ZNF804A: variants seen among roughly 807,000 people sequenced by gnomAD.
ZNF804A encodes zinc finger protein 804A.
In ZNF804A, 2 loss-of-function variants were observed where a neutral mutation model predicts 16.5. The observed-to-expected ratio is 0.12, with a 90% confidence interval of 0.05 to 0.38. The LOEUF is 0.38. ZNF804A is among the 10% of genes least tolerant of loss of function. ZNF804A has a pLI of 0.99. For synonymous variants in ZNF804A, 534 were observed against 489.6 expected (o/e 1.09, Z -1.20); for missense variants, 1,473 against 1,390.7 (o/e 1.06, Z -0.94).
At chr2:184,854,276 A>G (rs1167015398) in intron 1 of ZNF804A, among the ~76,000 whole-genome samples, 1 of 151,962 alleles carries the variant, frequency 6.6e-6, no homozygotes, top group Non-Finnish European at 1.5e-5. Context: ...CAGGCACACT[A>G]CACAATTTAT....
chr2:184,924,376 T>C (rs1685576462), intron 2 of ZNF804A, among the ~76,000 whole-genome samples: 1 of 151,880 alleles, frequency 6.6e-6, no homozygotes, highest in Admixed American at 6.6e-5. Flanking sequence ...TAGCCACTAA[T>C]AGTCTTTTAA....
chr2:184,743,615 C>G (rs1693740219), intron 1 of ZNF804A, among the ~76,000 whole-genome samples: 2 of 151,906 alleles, frequency 1.3e-5, no homozygotes, highest in Admixed American at 6.6e-5. Context: ...TTGCATGACA[C>G]TATATTTAGT....
chr2:184,706,434 G>A (rs1693032559), intron 1 of ZNF804A, among the ~76,000 whole-genome samples: 3 of 152,210 alleles, frequency 2.0e-5, no homozygotes, highest in African/African-American at 7.2e-5. Context: ...CAGGCTAGGG[G>A]CATTGAAGCC....
chr2:184,612,527 C>T (rs181267091), intron 1 of ZNF804A, among the ~76,000 whole-genome samples: 18 of 151,854 alleles, frequency 1.2e-4, no homozygotes, highest in African/African-American at 3.9e-4. Flanking sequence ...CAACCTCCGC[C>T]TCCCAGGTTC....
chr2:184,856,526 C>T (rs1305185774), intron 1 of ZNF804A, among the ~76,000 whole-genome samples: 1 of 151,926 alleles, frequency 6.6e-6, no homozygotes, highest in African/African-American at 2.4e-5. Context: ...TTTATAATAG[C>T]ATGTCATATG....
chr2:184,819,331 A>T (rs562444827), intron 1 of ZNF804A, among the ~76,000 whole-genome samples: 7 of 152,102 alleles, frequency 4.6e-5, no homozygotes, highest in Non-Finnish European at 8.8e-5. Context: ...TGGGCAAATA[A>T]TGAAATCAAG....
Position 184,776,848 on chromosome 2 carries a change from C to G in ZNF804A, c.112-89521C>G, listed in dbSNP as rs1694291865. ...ACTGGTTTGAACATCTCACTGTTCCCCTCATTAATTAATGAGTGGAAAAAA... is the reference window on the plus strand; with the variant it reads ...ACTGGTTTGAACATCTCACTGTTCCGCTCATTAATTAATGAGTGGAAAAAA... On this transcript the variant is annotated intron_variant, in intron 1 of 3. Transcript: ENST00000302277. Among the ~76,000 whole-genome samples, 3 of 151,418 alleles carry G rather than the reference C, an allele frequency of 2.0e-5. 1 individual carries two copies. In the South Asian group the frequency reaches 6.2e-4, roughly 31 times the overall value.
chr2:184,931,837 T>A (rs753259491), intron 2 of ZNF804A, among the ~76,000 whole-genome samples: 2 of 152,186 alleles, frequency 1.3e-5, no homozygotes, highest in Non-Finnish European at 2.9e-5. Context: ...TAAGTTCTAA[T>A]TCCAAAAAAT....
intron 1 of ZNF804A, among the ~76,000 whole-genome samples, chr2:184,639,684 T>C (rs1038697830): frequency 2.6e-5 from 4 of 152,104 alleles, no homozygotes; most frequent in Non-Finnish European, 5.9e-5. Flanking sequence ...ATTCATAAAT[T>C]TTTATTTTGG....
intron 1 of ZNF804A, among the ~76,000 whole-genome samples, chr2:184,620,266 G>GA (rs1345438050): frequency 6.6e-6 from 1 of 151,426 alleles, no homozygotes; most frequent in Non-Finnish European, 1.5e-5. Context: ...CAAATCAAAA[G>GA]AAACAAATAG....
At chr2:184,929,947 T>C (rs1204087113) in intron 2 of ZNF804A, among the ~76,000 whole-genome samples, 1 of 152,178 alleles carries the variant, frequency 6.6e-6, no homozygotes, top group Non-Finnish European at 1.5e-5. Flanking sequence ...GTAAGAATAA[T>C]CCAACCAGTG....
chr2:184,760,432 T>C (rs1482255039), intron 1 of ZNF804A, among the ~76,000 whole-genome samples: 1 of 152,166 alleles, frequency 6.6e-6, no homozygotes, highest in Non-Finnish European at 1.5e-5. Flanking sequence ...ATTTCAGATT[T>C]CACTTTGAAA....
At chr2:184,900,352 A>G (rs535975297) in intron 2 of ZNF804A, among the ~76,000 whole-genome samples, 5 of 152,250 alleles carry the variant, frequency 3.3e-5, no homozygotes, top group Admixed American at 1.3e-4. Context: ...ATGGTGCTAC[A>G]TATAAATCCC....
chr2:184,684,329 G>A (rs772084823), intron 1 of ZNF804A, among the ~76,000 whole-genome samples: 1 of 152,102 alleles, frequency 6.6e-6, no homozygotes, highest in Non-Finnish European at 1.5e-5. Context: ...AGAAAATTGT[G>A]TTTATGTAAA....
chr2:184,647,251 C>A (rs1482828787), intron 1 of ZNF804A, among the ~76,000 whole-genome samples: 2 of 152,120 alleles, frequency 1.3e-5, no homozygotes, highest in African/African-American at 4.8e-5. Flanking sequence ...AAAAACCTTA[C>A]CCTCACTAAA....
In ZNF804A at chr2:184,938,732, TGCAGCTGCAGCC is replaced by T. The variant is rs754346637; in HGVS notation, c.3347_3358del (p.Ala1116_Ala1119del). 3.9e-5 allele frequency: 63 copies of T among 1,607,150 alleles called. 1 individual carries two copies. Among genetic ancestry groups the T allele is most frequent in the Non-Finnish European group, 5.0e-5 (59 of 1,176,652 alleles). On this transcript the variant is annotated inframe_deletion, in exon 4 of 4. Coordinates refer to ENST00000302277, the MANE Select transcript of ZNF804A (RefSeq NM_194250.2). ...AGCAGCACGCTGCAGCTGCTGCAGC[TGCAGCTGCAGCC>T]GCAGCTGCAGGAACCTTTAAAGTGC...
At position 184,790,992 on chromosome 2, in the gene ZNF804A, A is replaced by G. The variant is rs571234780; in HGVS notation, c.112-75377A>G. Among the ~76,000 whole-genome samples, 5 of 151,864 alleles carry G rather than the reference A, an allele frequency of 3.3e-5. No homozygotes were observed. In the South Asian group the frequency reaches 1.0e-3, roughly 32 times the overall value. On this transcript the variant is annotated intron_variant, in intron 1 of 3. Transcript: ENST00000302277. ...TGTTTTATCTGATATAAGAATGGCT[A>G]CTCCTGCTCACTTTTGTTTTCTATT... is the stretch of plus-strand genomic sequence containing the variant.
chr2:184,883,537 T>G (rs1309589481), intron 2 of ZNF804A, among the ~76,000 whole-genome samples: 1 of 151,930 alleles, frequency 6.6e-6, no homozygotes, highest in East Asian at 1.9e-4. Flanking sequence ...CTATGCAAAA[T>G]CCTTTTGAAT....
chr2:184,739,509 T>C (rs1178734293), intron 1 of ZNF804A, among the ~76,000 whole-genome samples: 28 of 152,168 alleles, frequency 1.8e-4, no homozygotes. Flanking sequence ...TTGTTGTGCC[T>C]CAGCCTCCTT....
Sources: gnomAD v4.1 joint callset for allele counts (sites outside exome capture counted in the v4.1 genomes callset) on GRCh38, gnomAD v4.1.1 for gene constraint, MANE v1.5 for transcripts, NCBI Gene and HGNC (gene_info 2026-07-23, HGNC 2026-07-21) for gene names.